Variants in CFAP74 observed in about 807,000 individuals in gnomAD.
The protein encoded by CFAP74 is cilia- and flagella-associated protein 74.
In CFAP74, 124 loss-of-function variants were observed where a neutral mutation model predicts 188.9. That is an observed-to-expected ratio of 0.66 (90% confidence interval 0.57 to 0.76). The LOEUF (loss-of-function observed/expected upper bound fraction) is 0.76, where lower values mean the gene tolerates loss of function less well. Among genes scored for constraint, CFAP74 ranks in the 30% least tolerant of loss-of-function variants. CFAP74 has a pLI of 0.00. For missense variants in CFAP74, 2,198 were observed against 2,165.2 expected (o/e 1.02, Z -0.30); for synonymous variants, 956 against 916.7 (o/e 1.04, Z -0.77).
intron 26 of CFAP74, 35 bp downstream of exon 26, chr1:1,930,025 C>T: frequency 6.8e-7 from 1 of 1,480,864 alleles, no homozygotes; most frequent in African/African-American, 1.4e-5. Context: ...CGTGGAGCTC[C>T]TGCTTCCCAG....
chr1:1,945,953 T>G (rs1327735810), intron 20 of CFAP74, among the ~76,000 whole-genome samples: 1 of 130,538 alleles, frequency 7.7e-6, no homozygotes, highest in African/African-American at 2.9e-5. Context: ...GTGGGGGCTC[T>G]GTGTATGTGC....
At chr1:1,934,249 C>T (rs529944362) in intron 25 of CFAP74, among the ~76,000 whole-genome samples, 4 of 125,724 alleles carry the variant, frequency 3.2e-5, no homozygotes, top group Non-Finnish European at 5.5e-5. Context: ...CACGTGTGTA[C>T]GTGTGTTAGG....
Position 1,968,974 on chromosome 1 carries a change from C to G in CFAP74, c.1047-141G>C. 2 of 415,670 alleles carry G rather than the reference C, an allele frequency of 4.8e-6. No individual in the cohort carries two copies. The highest frequency in any genetic ancestry group is 8.3e-6 in the Non-Finnish European group (2 of 239,612). 25.7% of individuals were successfully genotyped at this position (415,670 alleles called of 1,614,324 possible). A position where few individuals can be genotyped will look rare whatever the true frequency, so the allele number is the denominator to read the frequency against. ...CCAGCAGCCCCAGGTGAGACAGCGC[C>G]TGGCGGCCCCTCCCTAGCTCCCTCC... On this transcript the variant is annotated intron_variant, in intron 10 of 38. Coordinates refer to ENST00000682832, the MANE Select transcript of CFAP74 (RefSeq NM_001304360.2). This position sits in a 1 kb window ranked among gnomAD's most constrained non-coding sequence, Gnocchi z 4.3.
In CFAP74 at chr1:1,940,418, C is replaced by T. The variant is rs1163142859; in HGVS notation, c.2616-15G>A. 1 of 1,503,120 alleles carries T rather than the reference C, an allele frequency of 6.7e-7. No homozygotes were observed. Among genetic ancestry groups the T allele is most frequent in the Non-Finnish European group, 8.9e-7 (1 of 1,125,730 alleles). 93.1% of individuals were successfully genotyped at this position (1,503,120 alleles called of 1,614,324 possible). On this transcript the variant is annotated splice_polypyrimidine_tract_variant and intron_variant, in intron 22 of 38. Coordinates refer to ENST00000682832, the MANE Select transcript of CFAP74 (RefSeq NM_001304360.2). ...GGAGGGAGTGTCTGAAAGAGGCAGA[C>T]AAGGCGAATGTGCTTTCCTCTTTCC...
At chr1:1,947,934 G>A (rs990950782) in intron 18 of CFAP74, among the ~76,000 whole-genome samples, 4 of 152,224 alleles carry the variant, frequency 2.6e-5, no homozygotes, top group East Asian at 1.9e-4. Context: ...GTACAATGGT[G>A]TGATCTTGAC....
At chr1:1,952,457 A>G (rs936501779) in intron 18 of CFAP74, among the ~76,000 whole-genome samples, 3 of 152,174 alleles carry the variant, frequency 2.0e-5, no homozygotes, top group Admixed American at 1.3e-4. Context: ...ACATTTAAAT[A>G]GATTAAATGT....
intron 9 of CFAP74, among the ~76,000 whole-genome samples, chr1:1,971,029 G>A (rs1279191715): frequency 7.2e-6 from 1 of 138,886 alleles, no homozygotes; most frequent in Non-Finnish European, 1.5e-5. Context: ...CATCACACAT[G>A]CACACCTGCA....
At chr1:1,932,020 C>T (rs1265864679) in intron 25 of CFAP74, among the ~76,000 whole-genome samples, 2 of 141,868 alleles carry the variant, frequency 1.4e-5, no homozygotes, top group East Asian at 2.1e-4. Flanking sequence ...GAGCTGAGAT[C>T]GCCCCACTGC....
rs757862579 is a variant in CFAP74, at chr1:1,942,170, G to A, written c.2487-14C>T. The A allele has an allele frequency of 2.1e-5, 31 of 1,494,720 alleles. No individual in the cohort carries two copies. The highest frequency in any genetic ancestry group is 5.1e-5 in the South Asian group (4 of 77,858). 92.6% of individuals were successfully genotyped at this position (1,494,720 alleles called of 1,614,324 possible). On this transcript the variant is annotated splice_polypyrimidine_tract_variant and intron_variant, in intron 21 of 38. Coordinates refer to ENST00000682832, the MANE Select transcript of CFAP74 (RefSeq NM_001304360.2). This position sits in a 1 kb window ranked among gnomAD's most constrained non-coding sequence, Gnocchi z 4.3. The stretch of plus-strand genomic sequence containing the variant: ...GCAGCTTTCGACCTGTGGGCGTGTC[G>A]CAGGGCACTGGGTCAGGTGCCACAG...
At chr1:1,949,113 T>C (rs1263221175) in intron 18 of CFAP74, among the ~76,000 whole-genome samples, 5 of 115,806 alleles carry the variant, frequency 4.3e-5, no homozygotes, top group African/African-American at 1.4e-4. Flanking sequence ...TTCCTTCCTT[T>C]CCTTTCTTCC....
intron 6 of CFAP74, among the ~76,000 whole-genome samples, chr1:1,979,459 A>G (rs112239964): frequency 0.034 from 809 of 23,534 alleles, no homozygotes; most frequent in Middle Eastern, 0.1. Context: ...CACGTGATGA[A>G]GCTGCACAGA....
At chr1:1,949,585 T>C (rs1370172470) in intron 18 of CFAP74, among the ~76,000 whole-genome samples, 1 of 152,092 alleles carries the variant, frequency 6.6e-6, no homozygotes. Flanking sequence ...CAGATTCATG[T>C]GGTTGTACAC....
intron 18 of CFAP74, among the ~76,000 whole-genome samples, chr1:1,947,383 T>C (rs1233767641): frequency 6.6e-6 from 1 of 152,244 alleles, no homozygotes; most frequent in Non-Finnish European, 1.5e-5. Context: ...CTTTTGGGGA[T>C]GTTTCTTCTC....
rs1028570950 is a variant in CFAP74 at position 1,968,308 on chromosome 1, C to G, written c.1245+327G>C. Among the ~76,000 whole-genome samples, 6 of 152,154 alleles carry G rather than the reference C, an allele frequency of 3.9e-5. No individual in the cohort carries two copies. The highest frequency in any genetic ancestry group is 8.8e-5 in the Non-Finnish European group (6 of 68,018). On this transcript the variant is annotated intron_variant, in intron 11 of 38. Coordinates refer to ENST00000682832, the MANE Select transcript of CFAP74 (RefSeq NM_001304360.2). The surrounding 1 kb of genome is among the most constrained non-coding windows in gnomAD (Gnocchi z 4.3). ...CTGGCAGGCGGCTGACCCAGCTCTA[C>G]AGGGCCAGGCAAGGTGGTCCCAGCC... is the stretch of plus-strand genomic sequence containing the variant.
chr1:1,955,317 G>C (rs9778194), intron 18 of CFAP74: 3 of 1,304,538 alleles, frequency 2.3e-6, no homozygotes, highest in South Asian at 2.5e-5. Flanking sequence ...ACCTCTCCCC[G>C]CTGGTGCGCG....
intron 26 of CFAP74, among the ~76,000 whole-genome samples, chr1:1,929,782 C>T (rs376518382): frequency 8.7e-4 from 133 of 152,008 alleles, no homozygotes; most frequent in East Asian, 5.4e-3. Context: ...GGATGGGTTC[C>T]GGCCAGGCCA....
intron 16 of CFAP74, among the ~76,000 whole-genome samples, chr1:1,958,135 G>A (rs558293087): frequency 2.0e-5 from 3 of 152,346 alleles, no homozygotes; most frequent in South Asian, 2.1e-4. Context: ...GGAAGCACGC[G>A]ACAGAGAAAG....
intron 5 of CFAP74, 137 bp from the exon 6 acceptor site, chr1:1,985,627 G>A (rs1181055850): frequency 1.3e-5 from 9 of 683,546 alleles, no homozygotes; most frequent in Admixed American, 4.5e-5. Flanking sequence ...CCAATGGAGC[G>A]TGGGGCTGGC....
intron 11 of CFAP74, among the ~76,000 whole-genome samples, chr1:1,967,905 G>C (rs549557045): frequency 1.3e-5 from 2 of 152,306 alleles, no homozygotes; most frequent in East Asian, 3.9e-4. Context: ...GAATGAGTAA[G>C]TGAGTGAATA....
Sources: gnomAD v4.1 joint callset for allele counts (sites outside exome capture counted in the v4.1 genomes callset) on GRCh38, gnomAD v4.1.1 for gene constraint, Gnocchi (gnomAD v3.1) non-coding constraint, MANE v1.5 for transcripts, NCBI Gene and HGNC (gene_info 2026-07-23, HGNC 2026-07-21) for gene names.